The following RRM2 variants were observed in gnomAD, a reference collection of about 807,000 sequenced individuals.
RRM2 encodes the protein ribonucleotide reductase regulatory subunit M2.
In RRM2, 6 loss-of-function variants were observed where a neutral mutation model predicts 45.9. The observed-to-expected ratio is 0.13, with a 90% CI of 0.07 to 0.26. RRM2 has a LOEUF of 0.26. RRM2 is among the 10% of genes least tolerant of loss of function. The probability of loss-of-function intolerance (pLI) is 1.00; values close to 1 mark genes in which losing one functional copy is unlikely to be tolerated. For missense variants in RRM2, 343 were observed against 489.5 expected, an observed-to-expected ratio of 0.70 and a Z score of 2.82; for synonymous variants, 177 against 173.0, an observed-to-expected ratio of 1.02 and a Z score of -0.18.
chr2:10,135,147 G>A (rs1023215398), downstream of RRM2, among the ~76,000 whole-genome samples: 3 of 152,266 alleles, frequency 2.0e-5, no homozygotes, highest in South Asian at 2.1e-4. Context: ...AATTCCTAGC[G>A]AATTGAGCCA....
chr2:10,123,693 A>G, intron 3 of RRM2, 43 bp from the exon 4 acceptor site: 1 of 1,426,582 alleles, frequency 7.0e-7, no homozygotes, highest in East Asian at 2.3e-5. Flanking sequence ...TGTAGGCTTT[A>G]CTCTCTTCCT....
intron 3 of RRM2, among the ~76,000 whole-genome samples, chr2:10,153,943 T>A (rs1401890644): frequency 6.6e-6 from 1 of 152,162 alleles, no homozygotes. Flanking sequence ...GATGGAAAAG[T>A]TCTGGAAAAG....
chr2:10,175,591 A>T (rs1290697993), intron 3 of RRM2, among the ~76,000 whole-genome samples: 1 of 148,978 alleles, frequency 6.7e-6, no homozygotes, highest in South Asian at 2.1e-4. Flanking sequence ...CATATGAATT[A>T]AAAAAAAATT....
intron 3 of RRM2, among the ~76,000 whole-genome samples, chr2:10,207,429 TA>T (rs1172827504): frequency 2.6e-5 from 4 of 152,110 alleles, no homozygotes; most frequent in Non-Finnish European, 4.4e-5. Context: ...CCCCCCTGTT[TA>T]AAACATGAAA....
intron 3 of RRM2, among the ~76,000 whole-genome samples, chr2:10,159,637 T>C (rs1663514052): frequency 6.6e-6 from 1 of 152,214 alleles, no homozygotes; most frequent in South Asian, 2.1e-4. Flanking sequence ...TAGGCGTCAC[T>C]GGGTTGAAAC....
chr2:10,135,025 G>T (rs747148849), downstream of RRM2, among the ~76,000 whole-genome samples: 9 of 152,200 alleles, frequency 5.9e-5, no homozygotes, highest in Non-Finnish European at 1.3e-4. Flanking sequence ...TAAGCCAAAA[G>T]ATTATGAAAT....
chr2:10,124,598 G>A (rs1662742264), intron 4 of RRM2, 119 bp from the exon 5 acceptor site: 3 of 1,099,700 alleles, frequency 2.7e-6, no homozygotes, highest in East Asian at 4.9e-5. Context: ...CAAATTGGAT[G>A]AAATATATAT....
At chr2:10,162,854 G>T (rs1239245768) in intron 3 of RRM2, among the ~76,000 whole-genome samples, 1 of 152,244 alleles carries the variant, frequency 6.6e-6, no homozygotes, top group Non-Finnish European at 1.5e-5. Flanking sequence ...CATGACAGGG[G>T]TTCTTTAGGT....
At chr2:10,189,141 T>C (rs574350084) in intron 3 of RRM2, among the ~76,000 whole-genome samples, 28 of 152,222 alleles carry the variant, frequency 1.8e-4, no homozygotes, top group Non-Finnish European at 3.5e-4. Context: ...ACACAGGCAC[T>C]GTCTGGCCCC....
chr2:10,158,698 A>C (rs1663487550), intron 3 of RRM2, among the ~76,000 whole-genome samples: 2 of 152,044 alleles, frequency 1.3e-5, no homozygotes, highest in African/African-American at 2.4e-5. Flanking sequence ...GGGGCCCTCA[A>C]ACTTATTATG....
intron 3 of RRM2, among the ~76,000 whole-genome samples, chr2:10,197,357 T>C (rs561781023): frequency 2.6e-5 from 4 of 152,296 alleles, no homozygotes; most frequent in Non-Finnish European, 4.4e-5. Context: ...GCTCTTCGTT[T>C]CGTCATGTTC....
chr2:10,137,365 G>C (rs931426308), upstream of RRM2, among the ~76,000 whole-genome samples: 1 of 152,218 alleles, frequency 6.6e-6, no homozygotes, highest in Non-Finnish European at 1.5e-5. Context: ...CCACCAGCTG[G>C]CCAGTGAGTC....
At position 10,127,438 on chromosome 2, in the gene RRM2, G is replaced by A. The variant is rs1041346872; in HGVS notation, c.798+218G>A. 3 of 551,264 alleles carry A rather than the reference G, an allele frequency of 5.4e-6. No homozygotes were observed. The East Asian group carries it at 9.1e-5, about 17-fold the overall frequency. The allele number at this position is 551,264 out of a possible 1,614,324, so 34.1% of individuals were successfully genotyped here. On this transcript the variant is annotated intron_variant, in intron 7 of 9. Transcript: ENST00000304567. This position sits in a 1 kb window ranked among gnomAD's most constrained non-coding sequence, Gnocchi z 4.1. ...TATATTGTAATACATTTGTACATAT[G>A]TATTCCCCTATAGGCTTTGAATGCA...
intron 3 of RRM2, among the ~76,000 whole-genome samples, chr2:10,154,691 CTTTTTT>C (rs70948874): frequency 2.1e-5 from 2 of 95,752 alleles, no homozygotes; most frequent in African/African-American, 8.5e-5. Context: ...AGTCCTGATT[CTTTTTT>C]TTTTTTTTTT....
At position 10,172,447 on chromosome 2, in the gene RRM2, G is replaced by A. The variant is rs1465368604; in HGVS notation, n.482+30072G>A. ...TGATTTATAGGAAGCTGGCTCAACC[G>A]AGAGCTGAGGGAAGACGGTGAAGGC... On this transcript the variant is annotated intron_variant and non_coding_transcript_variant, in intron 3 of 3. Transcript: ENST00000381786. This position sits in a 1 kb window ranked among gnomAD's most constrained non-coding sequence, Gnocchi z 4.9. Among the ~76,000 whole-genome samples, 2 of 152,198 alleles carry A rather than the reference G, an allele frequency of 1.3e-5. No homozygotes were observed. Among genetic ancestry groups the A allele is most frequent in the East Asian group, 1.9e-4 (1 of 5,196 alleles).
rs1008567136 is a variant in RRM2, at chr2:10,142,008, G to A, written n.361+54G>A. 7 of 1,573,770 alleles carry A rather than the reference G, an allele frequency of 4.4e-6. No individual in the cohort carries two copies. In the South Asian group the frequency reaches 5.7e-5, roughly 13 times the overall value. ...ACAAGGAAAGCAGGGAGGAAGGGGC[G>A]GGCTATGCCCCTTGCTCTTTCATGT... On this transcript the variant is annotated intron_variant and non_coding_transcript_variant, in intron 2 of 3. Transcript: ENST00000381786.
intron 3 of RRM2, among the ~76,000 whole-genome samples, chr2:10,192,460 C>T (rs1222192985): frequency 1.3e-5 from 2 of 152,206 alleles, no homozygotes; most frequent in African/African-American, 4.8e-5. Context: ...TTTGGGAAGC[C>T]TTCCCACGCA....
upstream of RRM2, among the ~76,000 whole-genome samples, chr2:10,137,448 G>A (rs1387474627): frequency 1.3e-5 from 2 of 152,238 alleles, no homozygotes; most frequent in African/African-American, 2.4e-5. Flanking sequence ...GGTAGTGGGG[G>A]AGGGTGACCT....
At chr2:10,180,525 G>A (rs942514939) in intron 3 of RRM2, among the ~76,000 whole-genome samples, 5 of 152,154 alleles carry the variant, frequency 3.3e-5, no homozygotes, top group Non-Finnish European at 5.9e-5. Context: ...CCTCAGAGAG[G>A]CCCACGAGGG....
Sources: gnomAD v4.1 joint callset for allele counts (sites outside exome capture counted in the v4.1 genomes callset) on GRCh38, gnomAD v4.1.1 for gene constraint, Gnocchi (gnomAD v3.1) non-coding constraint, MANE v1.5 for transcripts, NCBI Gene and HGNC (gene_info 2026-07-23, HGNC 2026-07-21) for gene names.